TFCP2: variants seen among roughly 807,000 people sequenced by gnomAD.
The protein encoded by TFCP2 is alpha-globin transcription factor CP2.
Under a neutral mutation model 73.4 loss-of-function variants are expected in TFCP2, and 33 were observed. The observed-to-expected ratio is 0.45, with a 90% CI of 0.34 to 0.60. TFCP2 has a LOEUF of 0.60. Ranked by LOEUF, TFCP2 falls within the 20% of genes least tolerant of loss-of-function variation. TFCP2 has a pLI of 0.01. For missense variants in TFCP2, 352 were observed against 604.0 expected (o/e 0.58, Z 4.37); for synonymous variants, 193 against 211.6 (o/e 0.91, Z 0.76).
At chr12:51,103,794 C>T in intron 9 of TFCP2, 31 bp from the exon 10 acceptor site, 1 of 1,560,152 alleles carries the variant, frequency 6.4e-7, no homozygotes, top group Non-Finnish European at 8.8e-7. Flanking sequence ...TTTAGATAAC[C>T]AAATAGATTT....
At chr12:51,104,743 G>A (rs1198885055) in intron 8 of TFCP2, among the ~76,000 whole-genome samples, 4 of 147,052 alleles carry the variant, frequency 2.7e-5, no homozygotes, top group African/African-American at 7.6e-5. Context: ...ACGGAGTCTC[G>A]CTCTCTTGCC....
chr12:51,167,930 G>T (rs749189284), intron 1 of TFCP2, among the ~76,000 whole-genome samples: 1 of 152,006 alleles, frequency 6.6e-6, no homozygotes, highest in Non-Finnish European at 1.5e-5. Context: ...GTGTGGTGGT[G>T]TGACCCTGTA....
intron 1 of TFCP2, among the ~76,000 whole-genome samples, chr12:51,161,667 G>A (rs1243065112): frequency 8.4e-6 from 1 of 119,634 alleles, no homozygotes; most frequent in African/African-American, 2.8e-5. Flanking sequence ...GCAACAGAGT[G>A]AGACTCTGTC....
intron 13 of TFCP2, among the ~76,000 whole-genome samples, chr12:51,097,225 C>T (rs1008729413): frequency 1.2e-4 from 18 of 152,140 alleles, no homozygotes; most frequent in Non-Finnish European, 7.4e-5. Context: ...GCTGGGATTA[C>T]AGGTGTGAGC....
intron 1 of TFCP2, among the ~76,000 whole-genome samples, chr12:51,130,945 G>A (rs34057357): frequency 0.17 from 26,214 of 150,884 alleles, 2,529 homozygotes; most frequent in South Asian, 0.29. Context: ...CCGAGATTGC[G>A]CCACTGCACT....
At chr12:51,095,317 A>C (rs1939929052) in intron 14 of TFCP2, 39 bp from the exon 15 acceptor site, 1 of 1,600,394 alleles carries the variant, frequency 6.2e-7, no homozygotes, top group East Asian at 2.2e-5. Flanking sequence ...ATCTTTAGTC[A>C]CCTCTAAAAC....
chr12:51,105,662 G>T (rs1010477327), intron 8 of TFCP2, among the ~76,000 whole-genome samples: 3 of 151,902 alleles, frequency 2.0e-5, no homozygotes, highest in African/African-American at 7.3e-5. Context: ...TTCGAACTTA[G>T]TAATTAACTT....
chr12:51,106,424 T>C (rs937452677), intron 8 of TFCP2, 101 bp downstream of exon 8: 3 of 833,906 alleles, frequency 3.6e-6, no homozygotes, highest in Non-Finnish European at 5.6e-6. Context: ...AACGACCAAA[T>C]AGATATACTT....
chr12:51,094,051 A>C lies in TFCP2; in HGVS notation c.*1190T>G, dbSNP rs1471659649. The C allele has an allele frequency of 6.6e-6, 1 of 152,190 alleles. No homozygotes were observed. The highest frequency in any genetic ancestry group is 1.5e-5 in the Non-Finnish European group (1 of 68,034). 9.4% of individuals were successfully genotyped at this position (152,190 alleles called of 1,614,324 possible). ...AGAACAAAAACATGGTAAGAGTGTGAACAGGAAGGGAATGCATCTTTTTTT... is the reference window on the plus strand; with the variant it reads ...AGAACAAAAACATGGTAAGAGTGTGCACAGGAAGGGAATGCATCTTTTTTT... On this transcript the variant is annotated 3_prime_UTR_variant, in exon 15 of 15. Transcript: ENST00000257915.
intron 10 of TFCP2, 67 bp downstream of exon 10, chr12:51,103,603 C>A: frequency 8.2e-7 from 1 of 1,213,058 alleles, no homozygotes; most frequent in Admixed American, 1.8e-5. Flanking sequence ...CCCATGGATA[C>A]CAGGAGGCCC....
chr12:51,116,212 G>T, intron 4 of TFCP2, 103 bp downstream of exon 4: 1 of 496,156 alleles, frequency 2.0e-6, no homozygotes. Flanking sequence ...TATACTAATT[G>T]AGCCTCTCAA....
chr12:51,123,415 A>C (rs1940730166), intron 1 of TFCP2, among the ~76,000 whole-genome samples: 1 of 152,190 alleles, frequency 6.6e-6, no homozygotes, highest in African/African-American at 2.4e-5. Context: ...CCAAAACAAA[A>C]ACAAGTGCAT....
intron 1 of TFCP2, among the ~76,000 whole-genome samples, chr12:51,159,573 C>T (rs913111201): frequency 2.6e-5 from 4 of 152,088 alleles, no homozygotes; most frequent in Non-Finnish European, 5.9e-5. Context: ...CCACCTCAGC[C>T]TCCCAAAGCG....
At position 51,123,465 on chromosome 12, in the gene TFCP2, T is replaced by C. The variant is rs565350086; in HGVS notation, c.123-4693A>G. 7.9e-5 allele frequency among the ~76,000 whole-genome samples: 12 copies of C among 152,344 alleles called. No individual in the cohort carries two copies. The East Asian group carries it at 1.9e-3, about 24-fold the overall frequency. On this transcript the variant is annotated intron_variant, in intron 1 of 14. Transcript: ENST00000257915. ...TTTTGGAAATACAAAAGTCTGCTCTTCCTCAGAGGTGAGTTTAGAAAAGGA... is the reference window on the plus strand; with the variant it reads ...TTTTGGAAATACAAAAGTCTGCTCTCCCTCAGAGGTGAGTTTAGAAAAGGA...
chr12:51,120,937 A>ATT (rs1566210029), intron 1 of TFCP2, among the ~76,000 whole-genome samples: 2 of 151,670 alleles, frequency 1.3e-5, no homozygotes, highest in East Asian at 1.9e-4. Context: ...AAAGGTAAAA[A>ATT]GAGTAGTAAC....
chr12:51,148,573 G>A (rs1020620112), intron 1 of TFCP2, among the ~76,000 whole-genome samples: 1 of 151,784 alleles, frequency 6.6e-6, no homozygotes, highest in African/African-American at 2.4e-5. Context: ...GGTGGCGGGC[G>A]CCTGTAGTCC....
intron 1 of TFCP2, among the ~76,000 whole-genome samples, chr12:51,150,817 A>G (rs1004291678): frequency 1.3e-5 from 2 of 152,250 alleles, no homozygotes; most frequent in Non-Finnish European, 2.9e-5. Flanking sequence ...TAGTGAATTC[A>G]TTCATTCAAC....
intron 1 of TFCP2, among the ~76,000 whole-genome samples, chr12:51,162,417 G>T (rs934880957): frequency 1.3e-5 from 2 of 149,576 alleles, no homozygotes; most frequent in Admixed American, 6.7e-5. Flanking sequence ...CTGCACTTGA[G>T]CCTGGGTGAT....
chr12:51,139,143 A>G (rs1051158280), intron 1 of TFCP2, among the ~76,000 whole-genome samples: 2 of 152,224 alleles, frequency 1.3e-5, no homozygotes, highest in African/African-American at 4.8e-5. Flanking sequence ...CTCCTCAGGC[A>G]TGATAACTAG....
Sources: gnomAD v4.1 joint callset for allele counts (sites outside exome capture counted in the v4.1 genomes callset) on GRCh38, gnomAD v4.1.1 for gene constraint, MANE v1.5 for transcripts, NCBI Gene and HGNC (gene_info 2026-07-23, HGNC 2026-07-21) for gene names.